WDPCP: variants seen among roughly 807,000 people sequenced by gnomAD.
WDPCP encodes the protein WD repeat containing planar cell polarity effector.
Under a neutral mutation model 93.1 loss-of-function variants are expected in WDPCP, and 71 were observed. The ratio of observed to expected loss-of-function variants is 0.76; its 90% CI spans 0.63 to 0.93. The LOEUF (loss-of-function observed/expected upper bound fraction) is 0.93, where lower values mean the gene tolerates loss of function less well. Ranked by LOEUF, WDPCP falls within the 40% of genes least tolerant of loss-of-function variation. The probability of loss-of-function intolerance (pLI) is 0.00; values close to 1 mark genes in which losing one functional copy is unlikely to be tolerated. For missense variants in WDPCP, 844 were observed against 887.4 expected, an observed-to-expected ratio of 0.95 and a Z score of 0.62; for synonymous variants, 315 against 315.0, an observed-to-expected ratio of 1.00 and a Z score of 0.00.
chr2:63,693,959 C>A (rs1668927034), intron 2 of WDPCP, among the ~76,000 whole-genome samples: 1 of 152,062 alleles, frequency 6.6e-6, no homozygotes, highest in Non-Finnish European at 1.5e-5. Flanking sequence ...CTGCTAATAC[C>A]ATTTCTTGAA....
chr2:63,441,579 AAATGTTTGG>A (rs1405043176), intron 6 of WDPCP: 3 of 152,044 alleles, frequency 2.0e-5, no homozygotes, highest in Admixed American at 2.0e-4. Flanking sequence ...GGTGCTCAAC[AAATGTTTGG>A]AGAAAGAATC....
intron 3 of WDPCP, chr2:63,598,194 T>C (rs1008732727): frequency 9.2e-5 from 14 of 152,222 alleles, no homozygotes; most frequent in African/African-American, 3.4e-4. Flanking sequence ...AGTGGTGCAA[T>C]CTTGGCTCAC....
At chr2:63,644,370 A>C (rs533512513) in intron 3 of WDPCP, among the ~76,000 whole-genome samples, 1 of 150,724 alleles carries the variant, frequency 6.6e-6, no homozygotes, top group East Asian at 2.0e-4. Flanking sequence ...CAGGTTCCCG[A>C]GTAGCTGGGA....
rs140221238 is a variant in WDPCP, at chr2:63,183,430, A to G, written c.1916-8598T>C. Among the ~76,000 whole-genome samples the G allele has an allele frequency of 3.2e-3, 494 of 152,140 alleles. 1 individual carries two copies. The highest frequency in any genetic ancestry group is 0.011 in the African/African-American group (471 of 41,520). On this transcript the variant is annotated intron_variant, in intron 14 of 17. Coordinates refer to ENST00000272321, the MANE Select transcript of WDPCP (RefSeq NM_015910.7). ...TGTTATCCAATTTCCATGTATTTGT[A>G]TAGTTTCAACAGTTCCTCCTGGTAT...
chr2:63,257,404 G>C (rs2104759114), intron 14 of WDPCP, among the ~76,000 whole-genome samples: 1 of 152,298 alleles, frequency 6.6e-6, no homozygotes, highest in East Asian at 1.9e-4. Context: ...AGACCATGAT[G>C]AGGAAACAAG....
intron 9 of WDPCP, among the ~76,000 whole-genome samples, chr2:63,425,028 T>C (rs1002082576): frequency 2.6e-5 from 4 of 152,182 alleles, no homozygotes; most frequent in African/African-American, 7.2e-5. Flanking sequence ...TCTACTGGAT[T>C]GCAGCCTAAA....
chr2:63,606,082 C>A, intron 3 of WDPCP: 1 of 1,487,422 alleles, frequency 6.7e-7, no homozygotes, highest in South Asian at 1.1e-5. Flanking sequence ...ATATGTTTCT[C>A]TTAAGAATGG....
intron 1 of WDPCP, among the ~76,000 whole-genome samples, chr2:63,579,523 T>C (rs1708350565): frequency 6.6e-6 from 1 of 151,990 alleles, no homozygotes. Flanking sequence ...GGCAGGAGAA[T>C]CACTTGAACC....
intron 2 of WDPCP, among the ~76,000 whole-genome samples, chr2:63,658,152 T>A (rs1210854387): frequency 6.6e-6 from 1 of 152,198 alleles, no homozygotes; most frequent in East Asian, 1.9e-4. Flanking sequence ...TGCCGTAATC[T>A]TGCTTCACAT....
At chr2:63,590,993 G>C (rs1361887696), upstream of WDPCP, 1 of 152,168 alleles carries the variant, frequency 6.6e-6, no homozygotes, top group African/African-American at 2.4e-5. Flanking sequence ...TTGTGTTATA[G>C]AAATACATGT....
At chr2:63,824,155 T>G (rs1671073987) in intron 1 of WDPCP, among the ~76,000 whole-genome samples, 1 of 152,068 alleles carries the variant, frequency 6.6e-6, no homozygotes, top group East Asian at 1.9e-4. Flanking sequence ...TGAGTTTTCA[T>G]GAGATCTGAT....
intron 12 of WDPCP, among the ~76,000 whole-genome samples, chr2:63,374,626 C>A (rs898733650): frequency 6.6e-6 from 1 of 152,008 alleles, no homozygotes; most frequent in Non-Finnish European, 1.5e-5. Context: ...TTTGTTTTGC[C>A]TATCATATAT....
intron 3 of WDPCP, among the ~76,000 whole-genome samples, chr2:63,611,643 T>A (rs1444475604): frequency 6.6e-6 from 1 of 152,256 alleles, no homozygotes; most frequent in Non-Finnish European, 1.5e-5. Context: ...TCTTGATGGC[T>A]TTAAACAAAC....
intron 2 of WDPCP, among the ~76,000 whole-genome samples, chr2:63,774,742 G>C (rs906880380): frequency 3.9e-5 from 6 of 152,050 alleles, no homozygotes; most frequent in Non-Finnish European, 7.4e-5. Context: ...TTCTTCTTCA[G>C]CTTCTTCAAG....
Position 63,583,458 on chromosome 2 carries a change from C to A in WDPCP, c.75+4739G>T, listed in dbSNP as rs576465917. On this transcript the variant is annotated intron_variant, in intron 1 of 17. Coordinates refer to ENST00000272321, the MANE Select transcript of WDPCP (RefSeq NM_015910.7). ...CAAGCACTTTGGGAGGCCAGGCGGG[C>A]GGATCAGGAAGTCAAGAGATCGAGA... is the stretch of plus-strand genomic sequence containing the variant. 2.0e-3 allele frequency among the ~76,000 whole-genome samples: 310 copies of A among 152,110 alleles called. 2 individuals carry two copies. The highest frequency in any genetic ancestry group is 7.2e-3 in the African/African-American group (297 of 41,518).
chr2:63,399,218 C>G (rs892829800), intron 10 of WDPCP, among the ~76,000 whole-genome samples: 2 of 152,020 alleles, frequency 1.3e-5, no homozygotes, highest in African/African-American at 4.8e-5. Context: ...CAAAAGTTAT[C>G]ACCTTTTCAT....
chr2:63,540,647 C>A (rs1041472352), intron 1 of WDPCP, among the ~76,000 whole-genome samples: 2 of 152,066 alleles, frequency 1.3e-5, no homozygotes, highest in African/African-American at 4.8e-5. Context: ...ATATGAAATG[C>A]AAAAAGTAGC....
chr2:63,776,892 A>T (rs1670312890), intron 2 of WDPCP, among the ~76,000 whole-genome samples: 1 of 152,034 alleles, frequency 6.6e-6, no homozygotes, highest in Non-Finnish European at 1.5e-5. Context: ...ACTCATACAT[A>T]AAAAAAGTTG....
At chr2:63,132,986 C>T (rs1670386737) in intron 17 of WDPCP, among the ~76,000 whole-genome samples, 1 of 152,210 alleles carries the variant, frequency 6.6e-6, no homozygotes, top group African/African-American at 2.4e-5. Context: ...AAAACAGCTA[C>T]TTCTCCCATT....
Sources: allele counts gnomAD v4.1 joint callset (sites outside exome capture counted in the v4.1 genomes callset), GRCh38; gene constraint gnomAD v4.1.1; transcripts MANE v1.5; gene names NCBI Gene and HGNC (gene_info 2026-07-23, HGNC 2026-07-21).